The following RYR2 variants were observed in gnomAD, a reference collection of about 807,000 sequenced individuals.
RYR2 encodes the protein ryanodine receptor 2.
Under a neutral mutation model 601.1 loss-of-function variants are expected in RYR2, and 227 were observed. That is an observed-to-expected ratio of 0.38 (90% CI 0.34 to 0.42). The LOEUF is 0.42. RYR2 is among the 10% of genes least tolerant of loss of function. The pLI is 1.00. For synonymous variants in RYR2, 2,223 were observed against 2,175.1 expected (o/e 1.02, Z -0.61); for missense variants, 4,646 against 6,156.5 (o/e 0.75, Z 8.21).
chr1:237,436,657 C>A (rs1036734541), intron 12 of RYR2, among the ~76,000 whole-genome samples: 9 of 151,058 alleles, frequency 6.0e-5, no homozygotes, highest in Admixed American at 2.6e-4. Flanking sequence ...TTTTTTCTAA[C>A]TTTAATCATT....
chr1:237,659,887 A>G (rs184594123), intron 54 of RYR2, 98 bp from the exon 55 acceptor site: 3 of 671,168 alleles, frequency 4.5e-6, no homozygotes, highest in Admixed American at 3.5e-5. Flanking sequence ...AGTTCATTTT[A>G]GGTTTATTTT....
At chr1:237,600,584 G>T (rs994747492) in intron 34 of RYR2, among the ~76,000 whole-genome samples, 1 of 152,078 alleles carries the variant, frequency 6.6e-6, no homozygotes, top group Non-Finnish European at 1.5e-5. Context: ...GGCAACAAAA[G>T]CAAAAATAGA....
intron 1 of RYR2, among the ~76,000 whole-genome samples, chr1:237,154,535 G>T (rs540634102): frequency 3.9e-5 from 6 of 152,258 alleles, no homozygotes; most frequent in African/African-American, 1.4e-4. Flanking sequence ...AGATTTTCAG[G>T]CAGGTGCAGT....
intron 16 of RYR2, among the ~76,000 whole-genome samples, chr1:237,457,825 C>T (rs1382121145): frequency 6.6e-6 from 1 of 152,182 alleles, no homozygotes; most frequent in Non-Finnish European, 1.5e-5. Context: ...CTACCCTAAC[C>T]CTCGCCTCCA....
At position 237,106,182 on chromosome 1, in the gene RYR2, G is replaced by A. The variant is rs371276714; in HGVS notation, c.48+63613G>A. On this transcript the variant is annotated intron_variant, in intron 1 of 104. Coordinates refer to ENST00000366574, the MANE Select transcript of RYR2 (RefSeq NM_001035.3). This position sits in a 1 kb window ranked among gnomAD's most constrained non-coding sequence, Gnocchi z 4.4. Reference sequence around the variant, plus strand: ...AATCCTTTGAGCTGAGGGGTAGCTCGTTCTGATTTTCATTCTGAAAAGACC... The same window carrying A: ...AATCCTTTGAGCTGAGGGGTAGCTCATTCTGATTTTCATTCTGAAAAGACC... Among the ~76,000 whole-genome samples the A allele has an allele frequency of 3.3e-5, 5 of 152,182 alleles. No homozygotes were observed. Among genetic ancestry groups the A allele is most frequent in the African/African-American group, 7.2e-5 (3 of 41,450 alleles).
chr1:237,485,843 G>A (rs1024937951), intron 17 of RYR2, among the ~76,000 whole-genome samples: 1 of 152,206 alleles, frequency 6.6e-6, no homozygotes, highest in Non-Finnish European at 1.5e-5. Flanking sequence ...CTATGCTAAG[G>A]GGAGTGGACT....
rs757709899 is a variant in RYR2, at chr1:237,445,531, T to C, written c.1292+9T>C. The C allele has an allele frequency of 2.5e-6, 4 of 1,613,274 alleles. No homozygotes were observed. Among genetic ancestry groups the C allele is most frequent in the Non-Finnish European group, 2.5e-6 (3 of 1,179,458 alleles). On this transcript the variant is annotated intron_variant, in intron 14 of 104. Transcript: ENST00000366574. ...TTCAATAGATTTATAAGGTACTTTT[T>C]CTTTTGTAGGCGTAGTTGTTTGATA...
intron 56 of RYR2, among the ~76,000 whole-genome samples, 191 bp from the exon 57 acceptor site, chr1:237,666,321 T>C (rs897135465): frequency 6.6e-6 from 1 of 152,222 alleles, no homozygotes; most frequent in Non-Finnish European, 1.5e-5. Context: ...CAATCATAAA[T>C]CATTTTCAGA....
At chr1:237,573,808 C>T (rs1042662791) in intron 29 of RYR2, among the ~76,000 whole-genome samples, 3 of 151,216 alleles carry the variant, frequency 2.0e-5, no homozygotes, top group Non-Finnish European at 4.4e-5. Flanking sequence ...AGTGAGACTC[C>T]GTCTGAAAAA....
rs140482799 is a variant in RYR2, at chr1:237,739,059, G to A, written c.11092-3237G>A. 1.0e-3 allele frequency among the ~76,000 whole-genome samples: 156 copies of A among 152,232 alleles called. 1 individual carries two copies. In the East Asian group the frequency reaches 0.023, roughly 22 times the overall value. On this transcript the variant is annotated intron_variant, in intron 79 of 104. Transcript: ENST00000366574. Reference sequence around the variant, plus strand: ...CATGATTTTCATTTCTCTTGGCTAGGTACTTTTCTGTATTACAAACATCAC... The same window carrying A: ...CATGATTTTCATTTCTCTTGGCTAGATACTTTTCTGTATTACAAACATCAC...
intron 37 of RYR2, among the ~76,000 whole-genome samples, 192 bp downstream of exon 37, chr1:237,615,035 A>G (rs1299745105): frequency 6.6e-6 from 1 of 152,090 alleles, no homozygotes; most frequent in Admixed American, 6.6e-5. Context: ...TGTTTCCCAG[A>G]TGCTTTTTAC....
rs1484635180 is a variant in RYR2 at position 237,445,459 on chromosome 1, A to G, written c.1229A>G (p.His410Arg). Reference sequence around the variant, plus strand: ...GGCATAAGTTTGTCGAGATCCCAGCATGAAGAATCACGCACAGCCCGAGTT... The same window carrying G: ...GGCATAAGTTTGTCGAGATCCCAGCGTGAAGAATCACGCACAGCCCGAGTT... Reference protein sequence around the residue: ...DDGISLSRSQHEESRTARVIR... With the variant: ...DDGISLSRSQREESRTARVIR... The change falls in exon 14 of 105, where the codon CAT (histidine) becomes CGT (arginine). Residue 410 changes from histidine (H) to arginine (R), a missense_variant. Transcript: ENST00000366574. The G allele has an allele frequency of 1.9e-6, 3 of 1,613,686 alleles. No homozygotes were observed. Among genetic ancestry groups the G allele is most frequent in the Non-Finnish European group, 2.5e-6 (3 of 1,179,756 alleles).
chr1:237,586,003 T>TA (rs918996856), intron 29 of RYR2, among the ~76,000 whole-genome samples: 4 of 152,230 alleles, frequency 2.6e-5, no homozygotes. Context: ...CTCTCCTACT[T>TA]AAAGAACTGA....
chr1:237,587,062 G>A (rs182242263), intron 29 of RYR2, among the ~76,000 whole-genome samples: 148 of 152,222 alleles, frequency 9.7e-4, no homozygotes, highest in Non-Finnish European at 1.7e-3. Flanking sequence ...CCACGAGCAC[G>A]TTTTGCCCTG....
At chr1:237,438,047 C>CTGAT (rs1435685141) in intron 12 of RYR2, among the ~76,000 whole-genome samples, 1 of 152,052 alleles carries the variant, frequency 6.6e-6, no homozygotes, top group African/African-American at 2.4e-5. Flanking sequence ...AAAATTTCTA[C>CTGAT]TGATTAACTT....
At chr1:237,193,798 C>T (rs1398175041) in intron 1 of RYR2, among the ~76,000 whole-genome samples, 1 of 152,092 alleles carries the variant, frequency 6.6e-6, no homozygotes, top group African/African-American at 2.4e-5. Flanking sequence ...AACTATAAAA[C>T]AAAAATATTG....
chr1:237,378,890 T>A lies in RYR2; in HGVS notation c.576+1455T>A, dbSNP rs529267646. ...TGTCTCGTGTAACTGACAGAAACTA[T>A]TAAATTAAATGGAGTGTCTGATGTT... On this transcript the variant is annotated intron_variant, in intron 8 of 104. Transcript: ENST00000366574. Among the ~76,000 whole-genome samples the A allele has an allele frequency of 3.3e-5, 5 of 152,308 alleles. No individual in the cohort carries two copies. The South Asian group carries it at 1.0e-3, about 32-fold the overall frequency.
intron 1 of RYR2, among the ~76,000 whole-genome samples, chr1:237,250,773 C>G (rs1398139488): frequency 6.6e-6 from 1 of 152,208 alleles, no homozygotes; most frequent in African/African-American, 2.4e-5. Flanking sequence ...GCCCAAATCA[C>G]TAACTTCTTA....
chr1:237,702,077 T>TAAATA lies in RYR2; in HGVS notation c.9449+18_9449+19insAAATA. 7.1e-7 allele frequency: 1 copy of TAAATA among 1,416,212 alleles called. No individual in the cohort carries two copies. The highest frequency in any genetic ancestry group is 1.0e-6 in the Non-Finnish European group (1 of 1,002,742). The allele number at this position is 1,416,212 out of a possible 1,614,324, so 87.7% of individuals were successfully genotyped here. A position where few individuals can be genotyped will look rare whatever the true frequency, so the allele number is the denominator to read the frequency against. On this transcript the variant is annotated intron_variant, in intron 66 of 104. Coordinates refer to ENST00000366574, the MANE Select transcript of RYR2 (RefSeq NM_001035.3). Reference sequence around the variant, plus strand: ...GTGGAGAGGTAAGAATGTTTAAAGTTTAACTTTGTATTAATTGCTGCTTCA... The same window carrying TAAATA: ...GTGGAGAGGTAAGAATGTTTAAAGTTAAATATAACTTTGTATTAATTGCTGCTTCA...
Sources: gnomAD v4.1 joint callset for allele counts (sites outside exome capture counted in the v4.1 genomes callset) on GRCh38, gnomAD v4.1.1 for gene constraint, Gnocchi (gnomAD v3.1) non-coding constraint, MANE v1.5 for transcripts, NCBI Gene and HGNC (gene_info 2026-07-23, HGNC 2026-07-21) for gene names.